The following CHD6 variants were observed in gnomAD, a reference collection of about 807,000 sequenced individuals.
CHD6 encodes ATP-dependent chromatin remodeler CHD6.
A neutral mutation model predicts 276.9 loss-of-function variants in CHD6; 50 were observed. The ratio of observed to expected loss-of-function variants is 0.18; its 90% CI spans 0.14 to 0.23. CHD6 has a LOEUF of 0.23. CHD6 is among the 10% of genes least tolerant of loss of function. The pLI is 1.00. For missense variants in CHD6, 2,564 were observed against 3,365.8 expected, an observed-to-expected ratio of 0.76 and a Z score of 5.89; for synonymous variants, 1,173 against 1,229.3, an observed-to-expected ratio of 0.95 and a Z score of 0.96.
intron 28 of CHD6, 139 bp from the exon 29 acceptor site, chr20:41,425,533 G>T: frequency 1.1e-6 from 1 of 873,652 alleles, no homozygotes. Context: ...ATTGGCCCAG[G>T]AGCAAGGCAT....
intron 2 of CHD6, among the ~76,000 whole-genome samples, chr20:41,542,067 G>A (rs2044953718): frequency 6.6e-6 from 1 of 152,152 alleles, no homozygotes; most frequent in African/African-American, 2.4e-5. Context: ...GTTGTTTTTG[G>A]AAACTACTTT....
intron 1 of CHD6, among the ~76,000 whole-genome samples, chr20:41,610,722 C>G (rs1215660035): frequency 6.6e-6 from 1 of 151,978 alleles, no homozygotes; most frequent in African/African-American, 2.4e-5. Context: ...CGCGCCACTG[C>G]ACTCCAGCCT....
chr20:41,415,780 A>G, intron 33 of CHD6, 142 bp from the exon 34 acceptor site: 1 of 634,832 alleles, frequency 1.6e-6, no homozygotes, highest in Middle Eastern at 4.3e-4. Context: ...GGCCTCCTCA[A>G]ACCTGAACAG....
chr20:41,501,018 G>A (rs2043818000), intron 5 of CHD6, among the ~76,000 whole-genome samples: 1 of 152,126 alleles, frequency 6.6e-6, no homozygotes, highest in African/African-American at 2.4e-5. Context: ...TGAGCAGCAA[G>A]GACCACTACC....
At chr20:41,514,474 G>A (rs1319277113) in intron 4 of CHD6, among the ~76,000 whole-genome samples, 1 of 152,108 alleles carries the variant, frequency 6.6e-6, no homozygotes, top group Admixed American at 6.5e-5. Context: ...CTGGCACTCT[G>A]AGCACTAAAT....
At chr20:41,463,449 C>T (rs1232855510) in intron 17 of CHD6, among the ~76,000 whole-genome samples, 11 of 152,270 alleles carry the variant, frequency 7.2e-5, no homozygotes, top group South Asian at 2.1e-4. Context: ...GTGGAGAAAT[C>T]GGACAGATAT....
chr20:41,452,148 T>A lies in CHD6; in HGVS notation c.3324-123A>T, dbSNP rs999108967. 5 of 754,152 alleles carry A rather than the reference T, an allele frequency of 6.6e-6. No individual in the cohort carries two copies. The Admixed American group carries it at 8.6e-5, about 13-fold the overall frequency. The allele number at this position is 754,152 out of a possible 1,614,324, so 46.7% of individuals were successfully genotyped here. ...TTGTTCTCTGTAGGTCTGTTAATCA[T>A]CCCAAGGGCTTTGTCCCGAAAGGCC... On this transcript the variant is annotated intron_variant, in intron 21 of 36. Coordinates refer to ENST00000373233, the MANE Select transcript of CHD6 (RefSeq NM_032221.5). This position sits in a 1 kb window ranked among gnomAD's most constrained non-coding sequence, Gnocchi z 4.2.
intron 1 of CHD6, among the ~76,000 whole-genome samples, chr20:41,615,717 C>T (rs1381423030): frequency 6.6e-6 from 1 of 152,196 alleles, no homozygotes; most frequent in Non-Finnish European, 1.5e-5. Flanking sequence ...AGATTCAGAA[C>T]ATGGGTGGTC....
intron 5 of CHD6, among the ~76,000 whole-genome samples, chr20:41,510,481 G>A (rs1479229042): frequency 1.3e-5 from 2 of 152,194 alleles, no homozygotes; most frequent in Non-Finnish European, 2.9e-5. Flanking sequence ...TTCTCTGAAT[G>A]TCAAAGCCAA....
chr20:41,577,265 C>T (rs2045484622), intron 1 of CHD6, among the ~76,000 whole-genome samples: 1 of 152,044 alleles, frequency 6.6e-6, no homozygotes. Context: ...TATTGGATAC[C>T]AGCTATTTGG....
intron 34 of CHD6, chr20:41,414,747 A>C: frequency 3.5e-6 from 3 of 860,646 alleles, no homozygotes; most frequent in Non-Finnish European, 4.4e-6. Context: ...TTGTAGCCCA[A>C]TATCACCCAG....
chr20:41,520,328 T>A (rs572946193), intron 3 of CHD6, among the ~76,000 whole-genome samples: 1 of 152,008 alleles, frequency 6.6e-6, no homozygotes, highest in East Asian at 1.9e-4. Context: ...TGGGTATATA[T>A]CCAAAGGATT....
chr20:41,472,389 T>C lies in CHD6; in HGVS notation c.2664+933A>G, dbSNP rs577752094. The stretch of plus-strand genomic sequence containing the variant: ...ATCCCCTAGAGTACCTCTTGAATCC[T>C]GTCAAACAGCAGCCTCCAAACTTCT... On this transcript the variant is annotated intron_variant, in intron 17 of 36. Transcript: ENST00000373233. Among the ~76,000 whole-genome samples, 22 of 152,324 alleles carry C rather than the reference T, an allele frequency of 1.4e-4. 2 individuals are homozygous for C. The South Asian group carries it at 3.5e-3, about 24-fold the overall frequency.
At chr20:41,455,375 G>A (rs376855562) in intron 19 of CHD6, among the ~76,000 whole-genome samples, 11 of 152,314 alleles carry the variant, frequency 7.2e-5, no homozygotes, top group South Asian at 4.1e-4. Context: ...GGAATTTTAC[G>A]TAAAATCTCT....
intron 3 of CHD6, among the ~76,000 whole-genome samples, chr20:41,526,104 G>A (rs917807629): frequency 1.3e-5 from 2 of 151,870 alleles, no homozygotes; most frequent in Admixed American, 1.3e-4. Flanking sequence ...TTTGGTAAAG[G>A]TCTACTATGC....
At chr20:41,583,478 TTAAGA>T (rs1287795349) in intron 1 of CHD6, among the ~76,000 whole-genome samples, 1 of 151,708 alleles carries the variant, frequency 6.6e-6, no homozygotes, top group Non-Finnish European at 1.5e-5. Flanking sequence ...TAATTAAAAG[TTAAGA>T]TAATTCAATG....
chr20:41,481,070 ACTT>A (rs1463285654), intron 16 of CHD6, among the ~76,000 whole-genome samples: 1 of 151,994 alleles, frequency 6.6e-6, no homozygotes, highest in African/African-American at 2.4e-5. Flanking sequence ...GAGCCACTGT[ACTT>A]CATCTTAGGT....
chr20:41,542,914 C>T (rs1601119917), intron 2 of CHD6, among the ~76,000 whole-genome samples: 1 of 151,896 alleles, frequency 6.6e-6, no homozygotes, highest in East Asian at 2.0e-4. Flanking sequence ...ACCATCCTGG[C>T]CAACATGGTG....
At chr20:41,534,528 A>T (rs1444542410) in intron 2 of CHD6, among the ~76,000 whole-genome samples, 1 of 150,866 alleles carries the variant, frequency 6.6e-6, no homozygotes, top group Non-Finnish European at 1.5e-5. Context: ...GCTCCCAAAC[A>T]TAACACTGAG....
Sources: gnomAD v4.1 joint callset for allele counts (sites outside exome capture counted in the v4.1 genomes callset) on GRCh38, gnomAD v4.1.1 for gene constraint, Gnocchi (gnomAD v3.1) non-coding constraint, MANE v1.5 for transcripts, NCBI Gene and HGNC (gene_info 2026-07-23, HGNC 2026-07-21) for gene names.